ZNF395: variants seen among roughly 807,000 people sequenced by gnomAD.
ZNF395 encodes HD gene regulatory region-binding protein 2.
Under a neutral mutation model 57.7 loss-of-function variants are expected in ZNF395, and 20 were observed. The ratio of observed to expected loss-of-function variants is 0.35; its 90% CI spans 0.24 to 0.50. The LOEUF is 0.50. ZNF395 is among the 20% of genes least tolerant of loss of function. ZNF395 has a pLI of 0.97. For synonymous variants in ZNF395, 295 were observed against 275.9 expected (o/e 1.07, Z -0.69); for missense variants, 606 against 671.2 (o/e 0.90, Z 1.07).
chr8:28,348,954 C>T lies in ZNF395; in HGVS notation c.1431-124G>A. The T allele has an allele frequency of 5.8e-6, 7 of 1,211,222 alleles. No homozygotes were observed. In the South Asian group the frequency reaches 9.3e-5, roughly 16 times the overall value. 75.0% of individuals were successfully genotyped at this position (1,211,222 alleles called of 1,614,324 possible). A position where few individuals can be genotyped will look rare whatever the true frequency, so the allele number is the denominator to read the frequency against. ...AGCTCCCGGCAAAAGTCACCAGGAC[C>T]AGGGGCCAGAGGCTCTGAGGACCAA... is the stretch of plus-strand genomic sequence containing the variant. On this transcript the variant is annotated intron_variant, in intron 9 of 9. Coordinates refer to ENST00000344423, the MANE Select transcript of ZNF395 (RefSeq NM_018660.3).
chr8:28,368,867 G>C (rs536357585), intron 1 of ZNF395, among the ~76,000 whole-genome samples: 1 of 151,748 alleles, frequency 6.6e-6, no homozygotes, highest in African/African-American at 2.4e-5. Flanking sequence ...ATAGAGTCTC[G>C]CTCTGTCGAC....
chr8:28,383,933 A>G lies in ZNF395; in HGVS notation c.-59+2460T>C, dbSNP rs145376220. On this transcript the variant is annotated intron_variant, in intron 1 of 9. Coordinates refer to ENST00000344423, the MANE Select transcript of ZNF395 (RefSeq NM_018660.3). ...CACATTTCCGATTTCTCAAGTTACC[A>G]ACTACAGCAGCTCCAAGGCCCTGGC... Among the ~76,000 whole-genome samples, 912 of 152,276 alleles carry G rather than the reference A, an allele frequency of 6.0e-3. 7 individuals carry two copies. Among genetic ancestry groups the G allele is most frequent in the Middle Eastern group, 0.017 (5 of 294 alleles).
At chr8:28,364,987 T>C (rs535930949) in intron 1 of ZNF395, among the ~76,000 whole-genome samples, 34 of 152,326 alleles carry the variant, frequency 2.2e-4, no homozygotes, top group Middle Eastern at 3.4e-3. Context: ...TATTGCCCTC[T>C]GGCAGGGCAC....
intron 1 of ZNF395, among the ~76,000 whole-genome samples, chr8:28,375,558 T>C (rs958649479): frequency 2.0e-5 from 3 of 152,134 alleles, no homozygotes; most frequent in Non-Finnish European, 4.4e-5. Context: ...TCTGTCTCCA[T>C]ACGTATGTGT....
chr8:28,351,475 C>T lies in ZNF395; in HGVS notation c.1233+20G>A. 4 of 1,564,130 alleles carry T rather than the reference C, an allele frequency of 2.6e-6. No homozygotes were observed. Among genetic ancestry groups the T allele is most frequent in the Non-Finnish European group, 3.5e-6 (4 of 1,150,418 alleles). On this transcript the variant is annotated intron_variant, in intron 7 of 9. Transcript: ENST00000344423. ...TGAGTCAGCTATGAGCCTGAGCCTCCAGCGAGCCCCGCCCCATACCTGGTA... is the reference window on the plus strand; with the variant it reads ...TGAGTCAGCTATGAGCCTGAGCCTCTAGCGAGCCCCGCCCCATACCTGGTA...
At position 28,360,934 on chromosome 8, in the gene ZNF395, G is replaced by A; in HGVS notation, c.191C>T (p.Ala64Val). The A allele has an allele frequency of 6.2e-7, 1 of 1,613,992 alleles. No individual in the cohort carries two copies. Among genetic ancestry groups the A allele is most frequent in the Non-Finnish European group, 8.5e-7 (1 of 1,179,992 alleles). ...CQEQPKEVLK[A>V]PSTSGLQQVA... ...CTGCTGAAGGCCCGAGGTGCTGGGA[G>A]CCTTAAGGACTTCCTTGGGCTGCTC... Residue 64 changes from alanine (A) to valine (V), a missense_variant, in exon 2 of 10, where the codon GCT becomes GTT. Coordinates refer to ENST00000344423, the MANE Select transcript of ZNF395 (RefSeq NM_018660.3).
chr8:28,349,021 C>A (rs947069989), intron 9 of ZNF395, 104 bp downstream of exon 9: 1 of 1,271,876 alleles, frequency 7.9e-7, no homozygotes. Flanking sequence ...GGGCTCCTCT[C>A]TGGGGACTAA....
rs1409165868 is a variant in ZNF395 at position 28,359,820 on chromosome 8, T to C, written c.245A>G (p.Tyr82Cys). 2.5e-6 allele frequency: 4 copies of C among 1,612,968 alleles called. No individual in the cohort carries two copies. The South Asian group carries it at 4.4e-5, about 18-fold the overall frequency. Reference sequence around the variant, plus strand: ...GCACTCTTGACCCCCGTACCACACATAAACCTGTGGGAAGAGGGACAGCAG... The same window carrying C: ...GCACTCTTGACCCCCGTACCACACACAAACCTGTGGGAAGAGGGACAGCAG... Reference protein sequence around the residue: ...QVAFQPGQKVYVWYGGQECTG... With the variant: ...QVAFQPGQKVCVWYGGQECTG... The change falls in exon 3 of 10, where the codon TAT becomes TGT. Residue 82 changes from tyrosine (Y) to cysteine (C), a missense_variant. Tyr to Cys is a radical substitution (Grantham distance 194). This residue lies in a region of ZNF395 where 309 missense variants were observed against 374.7 expected (regional missense o/e 0.82). Coordinates refer to ENST00000344423, the MANE Select transcript of ZNF395 (RefSeq NM_018660.3). This position sits in a 1 kb window ranked among gnomAD's most constrained non-coding sequence, Gnocchi z 4.7.
At chr8:28,362,892 T>G (rs909044799) in intron 1 of ZNF395, among the ~76,000 whole-genome samples, 1 of 152,244 alleles carries the variant, frequency 6.6e-6, no homozygotes, top group African/African-American at 2.4e-5. Flanking sequence ...TCTACTGGCA[T>G]AGTATCTCCA....
At chr8:28,367,813 A>G (rs1279118169) in intron 1 of ZNF395, among the ~76,000 whole-genome samples, 2 of 152,222 alleles carry the variant, frequency 1.3e-5, no homozygotes, top group Non-Finnish European at 2.9e-5. Context: ...AGCGGTAAGA[A>G]GAGGCCCAGA....
rs977618191 is a variant in ZNF395, at chr8:28,348,208, G to A, written c.*511C>T. On this transcript the variant is annotated 3_prime_UTR_variant, in exon 10 of 10. Transcript: ENST00000344423. ...CCCTCCGAGAAGGGCAAACCCCTCT[G>A]CCCCACGGCCAGGCAGTCCTGCACT... 6.8e-6 allele frequency: 1 copy of A among 146,382 alleles called. No individual in the cohort carries two copies. The highest frequency in any genetic ancestry group is 1.5e-5 in the Non-Finnish European group (1 of 67,388). The allele number at this position is 146,382 out of a possible 1,614,324, so 9.1% of individuals were successfully genotyped here. A position where few individuals can be genotyped will look rare whatever the true frequency, so the allele number is the denominator to read the frequency against.
In ZNF395 at chr8:28,351,792, A is replaced by C. The variant is rs750489024; in HGVS notation, c.936T>G (p.Ser312=). Residue 312 remains serine, a synonymous_variant, in exon 7 of 10, where the codon TCT becomes TCG. Transcript: ENST00000344423. The part of the protein sequence containing the change: ...KALHLGDTVD[S]DQFKREEDFY... The stretch of plus-strand genomic sequence containing the variant: ...AATCCTCCTCCCGCTTGAACTGATC[A>C]GAGTCCACTGTGTCCCTGTGTGGGA... 2 of 1,560,450 alleles carry C rather than the reference A, an allele frequency of 1.3e-6. No homozygotes were observed. The highest frequency in any genetic ancestry group is 1.7e-6 in the Non-Finnish European group (2 of 1,156,202).
At chr8:28,382,819 A>G (rs1008388275) in intron 1 of ZNF395, among the ~76,000 whole-genome samples, 2 of 152,238 alleles carry the variant, frequency 1.3e-5, no homozygotes, top group African/African-American at 4.8e-5. Context: ...GTTATGATCC[A>G]TTAGAGAACG....
At chr8:28,371,432 C>T (rs900462134) in intron 1 of ZNF395, among the ~76,000 whole-genome samples, 7 of 152,164 alleles carry the variant, frequency 4.6e-5, no homozygotes, top group South Asian at 2.1e-4. Context: ...CCTCCTGCCT[C>T]GGCCTTCTAA....
rs908481448 is a variant in ZNF395 at position 28,359,327 on chromosome 8, A to G, written c.473+265T>C. Among the ~76,000 whole-genome samples the G allele has an allele frequency of 1.3e-5, 2 of 152,208 alleles. No homozygotes were observed. Among genetic ancestry groups the G allele is most frequent in the East Asian group, 1.9e-4 (1 of 5,190 alleles). On this transcript the variant is annotated intron_variant, in intron 3 of 9. Transcript: ENST00000344423. The surrounding 1 kb of genome is among the most constrained non-coding windows in gnomAD (Gnocchi z 4.7). Reference sequence around the variant, plus strand: ...TGAAGTGGAAGAATCGCGTGAACACAGGAGGCAGAGGTTGCAGTGAGCCGA... The same window carrying G: ...TGAAGTGGAAGAATCGCGTGAACACGGGAGGCAGAGGTTGCAGTGAGCCGA...
At chr8:28,373,228 G>A (rs1025789682) in intron 1 of ZNF395, among the ~76,000 whole-genome samples, 3 of 152,182 alleles carry the variant, frequency 2.0e-5, no homozygotes, top group South Asian at 4.1e-4. Context: ...CAGGGACACC[G>A]GCCCACAACC....
At chr8:28,373,685 T>C (rs1047673632) in intron 1 of ZNF395, among the ~76,000 whole-genome samples, 2 of 151,910 alleles carry the variant, frequency 1.3e-5, no homozygotes, top group African/African-American at 2.4e-5. Flanking sequence ...TCCTCAGGGG[T>C]TGGGGGGCGG....
chr8:28,348,860 C>T, intron 9 of ZNF395, 30 bp from the exon 10 acceptor site: 1 of 1,609,850 alleles, frequency 6.2e-7, no homozygotes, highest in Admixed American at 1.7e-5. Flanking sequence ...CAAATCGAGC[C>T]CCACACAGGT....
At chr8:28,381,278 T>C (rs191111784) in intron 1 of ZNF395, among the ~76,000 whole-genome samples, 8 of 151,406 alleles carry the variant, frequency 5.3e-5, no homozygotes, top group African/African-American at 1.9e-4. Context: ...CCTGACCTCG[T>C]GATCCGCCCG....
Sources: gnomAD v4.1 joint callset for allele counts (sites outside exome capture counted in the v4.1 genomes callset) on GRCh38, gnomAD v4.1.1 for gene constraint, gnomAD v4.1.1 regional missense constraint, Gnocchi (gnomAD v3.1) non-coding constraint, MANE v1.5 for transcripts, NCBI Gene and HGNC (gene_info 2026-07-23, HGNC 2026-07-21) for gene names.